Variants in SYT3 observed in about 807,000 individuals in gnomAD.
The protein encoded by SYT3 is synaptotagmin 3, also known as synaptotagmin-3.
A neutral mutation model predicts 50.6 loss-of-function variants in SYT3; 25 were observed. The observed-to-expected ratio is 0.49, with a 90% CI of 0.36 to 0.69. The LOEUF is 0.69. Ranked by LOEUF, SYT3 falls within the 30% of genes least tolerant of loss-of-function variation. The probability of loss-of-function intolerance (pLI) is 0.00; values close to 1 mark genes in which losing one functional copy is unlikely to be tolerated. For missense variants in SYT3, 589 were observed against 793.6 expected (o/e 0.74, Z 3.10); for synonymous variants, 323 against 353.9 (o/e 0.91, Z 0.98).
the SYT3 span, among the ~76,000 whole-genome samples, chr19:50,645,305 G>A: frequency 1.3e-5 from 2 of 152,186 alleles, no homozygotes; most frequent in African/African-American, 4.8e-5. Flanking sequence ...GAAGTCGGTC[G>A]GAGTAAGGCA....
At chr19:50,652,944 C>G in the SYT3 span, among the ~76,000 whole-genome samples, 1 of 152,232 alleles carries the variant, frequency 6.6e-6, no homozygotes, top group Non-Finnish European at 1.5e-5. Context: ...GGGCAAGTCA[C>G]TTAACCTCTC....
intron 6 of SYT3, among the ~76,000 whole-genome samples, chr19:50,627,592 G>C (rs557760500): frequency 1.3e-5 from 2 of 152,166 alleles, no homozygotes; most frequent in Admixed American, 1.3e-4. Context: ...ATGGTGGCAG[G>C]TGCCTGTAAT....
At chr19:50,624,347 G>A (rs530102249) in intron 9 of SYT3, among the ~76,000 whole-genome samples, 25 of 152,252 alleles carry the variant, frequency 1.6e-4, no homozygotes, top group African/African-American at 4.6e-4. Flanking sequence ...AATGAAGTAA[G>A]TGTGTTGAAA....
the SYT3 span, among the ~76,000 whole-genome samples, chr19:50,656,717 T>C: frequency 1.3e-5 from 2 of 152,104 alleles, no homozygotes; most frequent in Non-Finnish European, 1.5e-5. Context: ...TTTGGGAGGC[T>C]GAGGTGGGTG....
chr19:50,626,803 C>CAG (rs376943852), intron 6 of SYT3, among the ~76,000 whole-genome samples: 4 of 150,826 alleles, frequency 2.7e-5, no homozygotes, highest in Non-Finnish European at 3.0e-5. Context: ...GACAGAGGCC[C>CAG]AGAGAGAGAG....
chr19:50,626,857 G>C (rs573954029), intron 6 of SYT3, among the ~76,000 whole-genome samples: 5 of 152,080 alleles, frequency 3.3e-5, no homozygotes, highest in South Asian at 2.1e-4. Flanking sequence ...GACCCAGAGA[G>C]AGTGATAGTT....
the SYT3 span, among the ~76,000 whole-genome samples, chr19:50,648,317 T>C: frequency 5.3e-5 from 8 of 151,852 alleles, no homozygotes; most frequent in African/African-American, 1.9e-4. Context: ...AACAAATCAC[T>C]GAGGAAATCA....
At chr19:50,624,198 C>G (rs985534633) in intron 9 of SYT3, among the ~76,000 whole-genome samples, 10 of 152,152 alleles carry the variant, frequency 6.6e-5, no homozygotes, top group African/African-American at 2.4e-4. Context: ...CTCCCAGGCT[C>G]AAGTGATCCA....
At chr19:50,656,463 G>A in the SYT3 span, 4 of 1,350,822 alleles carry the variant, frequency 3.0e-6, no homozygotes, top group Non-Finnish European at 2.9e-6. Flanking sequence ...ATAAGCTGTG[G>A]GCTTGCCACC....
At chr19:50,655,955 G>A in the SYT3 span, 403 of 1,168,648 alleles carry the variant, frequency 3.4e-4, 1 homozygote, top group Middle Eastern at 4.1e-3. Flanking sequence ...AGCTATTCTG[G>A]GTGTGGCATG....
chr19:50,640,144 A>G (rs1036674285), upstream of SYT3, among the ~76,000 whole-genome samples: 1 of 152,120 alleles, frequency 6.6e-6, no homozygotes, highest in Non-Finnish European at 1.5e-5. Flanking sequence ...CCCTCTTCCC[A>G]GGAACCCAGG....
chr19:50,646,810 ATTATTTAT>A, the SYT3 span, among the ~76,000 whole-genome samples: 10 of 150,668 alleles, frequency 6.6e-5, no homozygotes, highest in African/African-American at 1.7e-4. Flanking sequence ...TGTGGGAGGG[ATTATTTAT>A]TTATTTATTT....
At chr19:50,631,375 G>A (rs1392451217) in intron 4 of SYT3, among the ~76,000 whole-genome samples, 6 of 152,028 alleles carry the variant, frequency 3.9e-5, no homozygotes, top group South Asian at 4.2e-4. Flanking sequence ...TATTGGCCAG[G>A]CTGGTCTCGA....
At chr19:50,648,232 C>G in the SYT3 span, among the ~76,000 whole-genome samples, 4 of 151,912 alleles carry the variant, frequency 2.6e-5, no homozygotes, top group Non-Finnish European at 4.4e-5. Context: ...GGGGAAAAAC[C>G]CTGTTTTCTA....
At chr19:50,636,087 T>A (rs555351168) in intron 3 of SYT3, among the ~76,000 whole-genome samples, 63 of 152,132 alleles carry the variant, frequency 4.1e-4, no homozygotes, top group African/African-American at 1.5e-3. Flanking sequence ...ACCCTGTCTC[T>A]ACTGAAAATA....
intron 6 of SYT3, 68 bp from the exon 7 acceptor site, chr19:50,626,085 C>G (rs773475825): frequency 1.3e-6 from 2 of 1,552,656 alleles, no homozygotes; most frequent in Non-Finnish European, 1.7e-6. Flanking sequence ...GATTTTCTCT[C>G]CGGTCGGAGC....
upstream of SYT3, among the ~76,000 whole-genome samples, chr19:50,644,775 G>A (rs112241015): frequency 0.017 from 2,597 of 152,172 alleles, 37 homozygotes; most frequent in South Asian, 0.031. Flanking sequence ...ATGGATGATT[G>A]GATGGGTAGA....
At chr19:50,653,199 G>A in the SYT3 span, among the ~76,000 whole-genome samples, 2 of 151,906 alleles carry the variant, frequency 1.3e-5, no homozygotes, top group African/African-American at 4.8e-5. Context: ...TACCATGCCC[G>A]CCTAATTTTT....
At chr19:50,629,218 C>G in intron 6 of SYT3, 76 bp downstream of exon 6, 2 of 1,205,040 alleles carry the variant, frequency 1.7e-6, no homozygotes, top group Non-Finnish European at 2.3e-6. Flanking sequence ...GTTATGAACT[C>G]TGAGGGCAGG....
Sources: gnomAD v4.1 joint callset for allele counts (sites outside exome capture counted in the v4.1 genomes callset) on GRCh38, gnomAD v4.1.1 for gene constraint, MANE v1.5 for transcripts, NCBI Gene and HGNC (gene_info 2026-07-23, HGNC 2026-07-21) for gene names.